Variants in FA2H observed in about 807,000 individuals in gnomAD.
FA2H encodes fatty acid 2-hydroxylase, also known as fatty acid alpha-hydroxylase.
Under a neutral mutation model 44.9 loss-of-function variants are expected in FA2H, and 22 were observed. That is an observed-to-expected ratio of 0.49 (90% CI 0.35 to 0.70). The LOEUF (loss-of-function observed/expected upper bound fraction) is 0.70. Ranked by LOEUF, FA2H falls within the 30% of genes least tolerant of loss-of-function variation. The probability of loss-of-function intolerance (pLI) is 0.01; values close to 1 mark genes in which losing one functional copy is unlikely to be tolerated. For synonymous variants in FA2H, 243 were observed against 213.2 expected, an observed-to-expected ratio of 1.14 and a Z score of -1.22; for missense variants, 501 against 504.9, an observed-to-expected ratio of 0.99 and a Z score of 0.07.
chr16:74,714,715 A>G (rs1961656975), intron 6 of FA2H, among the ~76,000 whole-genome samples: 1 of 152,090 alleles, frequency 6.6e-6, no homozygotes, highest in Non-Finnish European at 1.5e-5. Flanking sequence ...TTAGCCACAC[A>G]TGGCTACTGA....
At chr16:74,765,882 T>A (rs1286151879) in intron 1 of FA2H, among the ~76,000 whole-genome samples, 1 of 152,236 alleles carries the variant, frequency 6.6e-6, no homozygotes, top group African/African-American at 2.4e-5. Context: ...CCTATTGGTA[T>A]GTACCAGTGG....
At chr16:74,735,044 T>C (rs1187614577) in intron 2 of FA2H, among the ~76,000 whole-genome samples, 3 of 152,172 alleles carry the variant, frequency 2.0e-5, no homozygotes, top group Non-Finnish European at 2.9e-5. Flanking sequence ...ACATCCCCTA[T>C]CCTTCATGAG....
At chr16:74,739,005 A>C (rs1398396646) in intron 2 of FA2H, among the ~76,000 whole-genome samples, 1 of 152,232 alleles carries the variant, frequency 6.6e-6, no homozygotes, top group Non-Finnish European at 1.5e-5. Context: ...CTGTGATCTC[A>C]TGCGACAGGT....
Position 74,744,980 on chromosome 16 carries a change from G to A in FA2H, c.271-4865C>T, listed in dbSNP as rs562303105. 2.6e-5 allele frequency among the ~76,000 whole-genome samples: 4 copies of A among 152,338 alleles called. No homozygotes were observed. The South Asian group carries it at 8.3e-4, about 32-fold the overall frequency. On this transcript the variant is annotated intron_variant, in intron 1 of 6. Transcript: ENST00000219368. ...ACACTGGCTTTCACAGGAGTGATCAGCACAAGTGTTGATGAGTGTGGCTTG... is the reference window on the plus strand; with the variant it reads ...ACACTGGCTTTCACAGGAGTGATCAACACAAGTGTTGATGAGTGTGGCTTG...
At chr16:74,767,258 G>A (rs1455167598) in intron 1 of FA2H, among the ~76,000 whole-genome samples, 4 of 152,068 alleles carry the variant, frequency 2.6e-5, no homozygotes, top group Admixed American at 6.6e-5. Context: ...GCAGTGAGCC[G>A]AGATTGTGCC....
At chr16:74,748,705 G>C (rs1466602383) in intron 1 of FA2H, among the ~76,000 whole-genome samples, 1 of 152,050 alleles carries the variant, frequency 6.6e-6, no homozygotes, top group Non-Finnish European at 1.5e-5. Flanking sequence ...GAAAGTCTGC[G>C]CTCTGCACCA....
intron 2 of FA2H, among the ~76,000 whole-genome samples, chr16:74,737,946 G>T (rs2240253): frequency 0.35 from 53,253 of 152,166 alleles, 9,625 homozygotes; most frequent in East Asian, 0.63. Context: ...AGCTGGGATT[G>T]CCCGTGAGGT....
intron 1 of FA2H, among the ~76,000 whole-genome samples, chr16:74,748,641 C>T (rs1228038737): frequency 2.6e-5 from 4 of 152,262 alleles, no homozygotes; most frequent in African/African-American, 7.2e-5. Context: ...CCTGTCCTCC[C>T]TAGAGAGGGT....
chr16:74,755,289 C>T (rs974428951), intron 1 of FA2H, among the ~76,000 whole-genome samples: 6 of 152,026 alleles, frequency 3.9e-5, no homozygotes, highest in Non-Finnish European at 8.8e-5. Flanking sequence ...AAGTGATTCT[C>T]CCACTTCAGC....
chr16:74,767,990 C>T (rs554127603), intron 1 of FA2H, among the ~76,000 whole-genome samples: 2 of 152,210 alleles, frequency 1.3e-5, no homozygotes, highest in African/African-American at 2.4e-5. Flanking sequence ...GTCCTGGTAA[C>T]GCCAGCAAGG....
chr16:74,738,564 T>C (rs926371751), intron 2 of FA2H, among the ~76,000 whole-genome samples: 1 of 152,166 alleles, frequency 6.6e-6, no homozygotes, highest in African/African-American at 2.4e-5. Context: ...GCCACATTTG[T>C]TCAGTCCCGG....
intron 1 of FA2H, among the ~76,000 whole-genome samples, chr16:74,766,790 A>G (rs1189729036): frequency 1.3e-5 from 2 of 152,228 alleles, no homozygotes; most frequent in Non-Finnish European, 2.9e-5. Flanking sequence ...AAAAACATCA[A>G]TAATACCCCA....
At chr16:74,737,833 T>C (rs776861202) in intron 2 of FA2H, among the ~76,000 whole-genome samples, 1 of 151,904 alleles carries the variant, frequency 6.6e-6, no homozygotes, top group Non-Finnish European at 1.5e-5. Flanking sequence ...CATGTCCCGA[T>C]CCAAAAGACC....
At chr16:74,735,877 G>A (rs1344827976) in intron 2 of FA2H, among the ~76,000 whole-genome samples, 4 of 152,214 alleles carry the variant, frequency 2.6e-5, no homozygotes, top group Admixed American at 6.5e-5. Context: ...CAGCTAATTA[G>A]GAAGCTGAGG....
intron 1 of FA2H, among the ~76,000 whole-genome samples, chr16:74,743,261 C>T (rs1344713355): frequency 3.9e-5 from 6 of 152,154 alleles, no homozygotes; most frequent in Non-Finnish European, 7.3e-5. Flanking sequence ...ATGTGGGGCT[C>T]GATGATCTAT....
At chr16:74,731,298 CTTT>C (rs796570887) in intron 2 of FA2H, among the ~76,000 whole-genome samples, 3 of 131,390 alleles carry the variant, frequency 2.3e-5, no homozygotes, top group Admixed American at 7.7e-5. Flanking sequence ...CCACGTCTGG[CTTT>C]TTTTTTTTTT....
In FA2H at chr16:74,736,602, CCTGCTGGATGCGT is replaced by C. The variant is rs1321389295; in HGVS notation, c.363+3408_363+3420del. Among the ~76,000 whole-genome samples, 5 of 152,198 alleles carry C rather than the reference CCTGCTGGATGCGT, an allele frequency of 3.3e-5. No individual in the cohort carries two copies. The East Asian group carries it at 9.6e-4, about 29-fold the overall frequency. On this transcript the variant is annotated intron_variant, in intron 2 of 6. Coordinates refer to ENST00000219368, the MANE Select transcript of FA2H (RefSeq NM_024306.5). ...GGCAGGGACAGGGAGTTTGGGGATG[CCTGCTGGATGCGT>C]CTATCTGTCCCTTGAGGGAAGAGGC...
intron 1 of FA2H, among the ~76,000 whole-genome samples, chr16:74,768,673 G>A (rs1303991889): frequency 1.3e-5 from 2 of 152,140 alleles, no homozygotes; most frequent in Non-Finnish European, 2.9e-5. Context: ...CCGGTCCTGG[G>A]TAGGGTGGAA....
chr16:74,774,566 C>G lies in FA2H; in HGVS notation c.190G>C (p.Gly64Arg), dbSNP rs1410690526. 3 of 1,538,066 alleles carry G rather than the reference C, an allele frequency of 2.0e-6. No individual in the cohort carries two copies. The highest frequency in any genetic ancestry group is 1.4e-5 in the African/African-American group (1 of 71,590). Reference protein sequence around the residue: ...AGQDISADLDGPPHRHSANAR... With the variant: ...AGQDISADLDRPPHRHSANAR... ...TTGGCCGAGTGCCTGTGCGGCGGCC[C>G]GTCCAGGTCGGCGCTGATGTCCTGG... The change falls in exon 1 of 7, where the codon GGG becomes CGG. Residue 64 changes from glycine to arginine, a missense_variant. By Grantham distance (125) the Gly-to-Arg change is moderately radical. Coordinates refer to ENST00000219368, the MANE Select transcript of FA2H (RefSeq NM_024306.5).
Sources: allele counts gnomAD v4.1 joint callset (sites outside exome capture counted in the v4.1 genomes callset), GRCh38; gene constraint gnomAD v4.1.1; transcripts MANE v1.5; gene names NCBI Gene and HGNC (gene_info 2026-07-23, HGNC 2026-07-21).